The following CAMTA1 variants were observed in gnomAD, a reference collection of about 807,000 sequenced individuals.
CAMTA1 encodes the protein calmodulin binding transcription activator 1.
CAMTA1 carries 27 observed loss-of-function variants against 170.9 expected under a neutral mutation model. The ratio of observed to expected loss-of-function variants is 0.16; its 90% CI spans 0.12 to 0.22. CAMTA1 has a LOEUF of 0.22. Ranked by LOEUF, CAMTA1 falls within the 10% of genes least tolerant of loss-of-function variation. CAMTA1 has a pLI of 1.00. For synonymous variants in CAMTA1, 833 were observed against 891.5 expected (o/e 0.93, Z 1.17); for missense variants, 1,619 against 2,217.2 (o/e 0.73, Z 5.42).
chr1:7,640,689 G>T lies in CAMTA1; in HGVS notation c.664+136G>T, dbSNP rs778224783. The T allele has an allele frequency of 3.9e-6, 4 of 1,017,756 alleles. No homozygotes were observed. In the East Asian group the frequency reaches 1.0e-4, roughly 26 times the overall value. 63.0% of individuals were successfully genotyped at this position (1,017,756 alleles called of 1,614,324 possible). On this transcript the variant is annotated intron_variant, in intron 7 of 22. Coordinates refer to ENST00000303635, the MANE Select transcript of CAMTA1 (RefSeq NM_015215.4). The stretch of plus-strand genomic sequence containing the variant: ...ATCTTGCTGGAATGACAGTGGCACC[G>T]TGAGCTTAGCTTTTGCCCCACCTTC...
intron 1 of CAMTA1, among the ~76,000 whole-genome samples, chr1:6,803,463 T>C (rs1237368742): frequency 1.3e-5 from 2 of 152,182 alleles, no homozygotes; most frequent in Non-Finnish European, 2.9e-5. Flanking sequence ...AACAAAATTA[T>C]AGAAGACAGG....
At chr1:7,040,334 G>A (rs1363963888) in intron 3 of CAMTA1, among the ~76,000 whole-genome samples, 1 of 152,170 alleles carries the variant, frequency 6.6e-6, no homozygotes, top group East Asian at 1.9e-4. Context: ...TCTAAACACG[G>A]CATGCGTGTG....
intron 4 of CAMTA1, among the ~76,000 whole-genome samples, chr1:7,124,911 T>C (rs1644846359): frequency 6.6e-6 from 1 of 151,772 alleles, no homozygotes; most frequent in South Asian, 2.1e-4. Context: ...GAAGTGGGAG[T>C]CAGGAAGGGG....
chr1:7,192,028 G>T (rs1390428372), intron 4 of CAMTA1, among the ~76,000 whole-genome samples: 1 of 148,352 alleles, frequency 6.7e-6, no homozygotes, highest in Non-Finnish European at 1.5e-5. Flanking sequence ...CTTGTTGGGG[G>T]CTGGGACTGG....
intron 5 of CAMTA1, among the ~76,000 whole-genome samples, chr1:7,308,930 T>G (rs1479609785): frequency 2.0e-5 from 3 of 152,180 alleles, no homozygotes; most frequent in Admixed American, 6.5e-5. Flanking sequence ...CCAGCTATAG[T>G]TGTGGGTTCG....
chr1:7,409,659 A>G (rs2090564176), intron 5 of CAMTA1, among the ~76,000 whole-genome samples: 1 of 152,214 alleles, frequency 6.6e-6, no homozygotes, highest in Non-Finnish European at 1.5e-5. Context: ...CCGTCTCCAC[A>G]GGGAGGAACA....
intron 7 of CAMTA1, among the ~76,000 whole-genome samples, chr1:7,655,480 A>AAACACACCCACCTATAC (rs2095891013): frequency 5.9e-4 from 6 of 10,118 alleles, no homozygotes; most frequent in Non-Finnish European, 8.5e-4. Context: ...CACCTATACA[A>AAACACACCCACCTATAC]ACACACACCT....
intron 4 of CAMTA1, among the ~76,000 whole-genome samples, chr1:7,126,832 G>A (rs1445427651): frequency 3.3e-5 from 5 of 152,052 alleles, no homozygotes; most frequent in South Asian, 2.1e-4. Flanking sequence ...GTGCAGTGGC[G>A]TGATCTCGGC....
chr1:7,106,004 G>A (rs1287248580), intron 4 of CAMTA1, among the ~76,000 whole-genome samples: 1 of 151,860 alleles, frequency 6.6e-6, no homozygotes, highest in Non-Finnish European at 1.5e-5. Context: ...ATCCACTAAT[G>A]CTCTTAGTCA....
At position 7,746,098 on chromosome 1, in the gene CAMTA1, T is replaced by C. The variant is rs1257519851; in HGVS notation, c.4617+7T>C. The C allele has an allele frequency of 6.2e-7, 1 of 1,612,524 alleles. No homozygotes were observed. The highest frequency in any genetic ancestry group is 2.2e-5 in the East Asian group (1 of 44,846). ...AGCTTTCCGGAAATACAAGGTAAACTAGAACAGAACCTTCGTTTTGTGACA... is the reference window on the plus strand; with the variant it reads ...AGCTTTCCGGAAATACAAGGTAAACCAGAACAGAACCTTCGTTTTGTGACA... On this transcript the variant is annotated splice_region_variant and intron_variant, in intron 18 of 22. Coordinates refer to ENST00000303635, the MANE Select transcript of CAMTA1 (RefSeq NM_015215.4).
intron 5 of CAMTA1, among the ~76,000 whole-genome samples, chr1:7,417,220 G>T (rs995916637): frequency 2.2e-5 from 3 of 138,484 alleles, no homozygotes; most frequent in African/African-American, 8.0e-5. Flanking sequence ...CTGCTCAGGG[G>T]TCAGGGACCC....
chr1:7,704,015 G>C (rs1188130119), intron 11 of CAMTA1, among the ~76,000 whole-genome samples: 1 of 151,822 alleles, frequency 6.6e-6, no homozygotes, highest in Non-Finnish European at 1.5e-5. Context: ...AGCCGGAGCC[G>C]CCGCCACCGT....
At chr1:6,834,539 T>TA (rs1414336411) in intron 3 of CAMTA1, 2 of 245,764 alleles carry the variant, frequency 8.1e-6, no homozygotes, top group African/African-American at 4.6e-5. Context: ...CTTCTGAAGG[T>TA]GGTAGGCCTT....
At chr1:6,893,252 C>T (rs934799300) in intron 3 of CAMTA1, among the ~76,000 whole-genome samples, 1 of 152,048 alleles carries the variant, frequency 6.6e-6, no homozygotes, top group African/African-American at 2.4e-5. Flanking sequence ...CAGAGCAAGA[C>T]TCCATCTCGA....
chr1:7,696,577 A>G (rs2096379657), intron 11 of CAMTA1, among the ~76,000 whole-genome samples: 1 of 151,586 alleles, frequency 6.6e-6, no homozygotes, highest in Non-Finnish European at 1.5e-5. Flanking sequence ...ATTTTTTGAG[A>G]GTACTTTTCT....
chr1:7,343,863 A>C (rs1409004493), intron 5 of CAMTA1, among the ~76,000 whole-genome samples: 1 of 152,172 alleles, frequency 6.6e-6, no homozygotes. Flanking sequence ...TATGTGGTTG[A>C]TGTGTAGCTA....
At chr1:7,629,543 G>C (rs147808823) in intron 6 of CAMTA1, among the ~76,000 whole-genome samples, 1 of 152,192 alleles carries the variant, frequency 6.6e-6, no homozygotes, top group Non-Finnish European at 1.5e-5. Flanking sequence ...GGGGGAACCC[G>C]TATTCTTAGC....
At chr1:7,612,198 T>G (rs967598263) in intron 6 of CAMTA1, among the ~76,000 whole-genome samples, 1 of 152,144 alleles carries the variant, frequency 6.6e-6, no homozygotes, top group African/African-American at 2.4e-5. Flanking sequence ...CACACGGACT[T>G]GAAGGATGGT....
At chr1:7,053,533 C>T (rs1296996113) in intron 3 of CAMTA1, among the ~76,000 whole-genome samples, 1 of 152,168 alleles carries the variant, frequency 6.6e-6, no homozygotes, top group East Asian at 1.9e-4. Context: ...CCTTTCAGGG[C>T]CCCCTTCTCA....
Sources: allele counts gnomAD v4.1 joint callset (sites outside exome capture counted in the v4.1 genomes callset), GRCh38; gene constraint gnomAD v4.1.1; transcripts MANE v1.5; gene names NCBI Gene and HGNC (gene_info 2026-07-23, HGNC 2026-07-21).